CSMD1: variants seen among roughly 807,000 people sequenced by gnomAD.
CSMD1 encodes CUB and Sushi multiple domains 1.
A neutral mutation model predicts 417.5 loss-of-function variants in CSMD1; 213 were observed. The ratio of observed to expected loss-of-function variants is 0.51; its 90% confidence interval spans 0.46 to 0.57. The LOEUF (loss-of-function observed/expected upper bound fraction) is 0.57. Among genes scored for constraint, CSMD1 ranks in the 20% least tolerant of loss-of-function variants. CSMD1 has a pLI of 0.00. For synonymous variants in CSMD1, 2,862 were observed against 1,736.8 expected, an observed-to-expected ratio of 1.65 and a Z score of -16.11; for missense variants, 6,923 against 4,529.7, an observed-to-expected ratio of 1.53 and a Z score of -15.17.
At chr8:3,853,021 C>G (rs1452974299) in intron 5 of CSMD1, among the ~76,000 whole-genome samples, 1 of 152,146 alleles carries the variant, frequency 6.6e-6, no homozygotes, top group Admixed American at 6.5e-5. Flanking sequence ...CCCCAACATC[C>G]AACTACATCT....
At chr8:3,012,400 A>C (rs1033743953) in intron 52 of CSMD1, among the ~76,000 whole-genome samples, 1 of 152,134 alleles carries the variant, frequency 6.6e-6, no homozygotes, top group African/African-American at 2.4e-5. Flanking sequence ...CAGCTGCAAT[A>C]CTCAAAAAGG....
intron 3 of CSMD1, among the ~76,000 whole-genome samples, chr8:4,138,632 A>G (rs544293893): frequency 1.3e-4 from 20 of 152,254 alleles, no homozygotes; most frequent in African/African-American, 3.6e-4. Flanking sequence ...AAAGGAAAAA[A>G]CATCTCTTAA....
intron 6 of CSMD1, among the ~76,000 whole-genome samples, chr8:3,752,476 G>A (rs1391406375): frequency 3.3e-5 from 5 of 151,838 alleles, no homozygotes; most frequent in South Asian, 4.1e-4. Context: ...CCAACATGGC[G>A]AAACCCCATC....
chr8:4,178,874 T>G (rs1222516225), intron 3 of CSMD1, among the ~76,000 whole-genome samples: 2 of 152,150 alleles, frequency 1.3e-5, no homozygotes, highest in African/African-American at 4.8e-5. Flanking sequence ...TTACAAGGGA[T>G]GAGAAGGACC....
chr8:3,871,016 A>G (rs1805449297), intron 5 of CSMD1, among the ~76,000 whole-genome samples: 1 of 152,014 alleles, frequency 6.6e-6, no homozygotes, highest in Non-Finnish European at 1.5e-5. Flanking sequence ...ATTTTTTTAA[A>G]AAAATTCAAT....
intron 5 of CSMD1, among the ~76,000 whole-genome samples, chr8:3,841,071 C>A (rs942653269): frequency 6.6e-6 from 1 of 152,042 alleles, no homozygotes; most frequent in South Asian, 2.1e-4. Flanking sequence ...CTAAACTACA[C>A]TGATTGATGT....
rs150333692 is a variant in CSMD1 at position 3,825,413 on chromosome 8, C to T, written c.819-71371G>A. On this transcript the variant is annotated intron_variant, in intron 5 of 69. Coordinates refer to ENST00000635120, the MANE Select transcript of CSMD1 (RefSeq NM_033225.6). ...GGGTGGTGGTAGGCACCTGTAATCC[C>T]AGGTACTTGGGAGGCTGAGGCAGTA... 2.5e-3 allele frequency among the ~76,000 whole-genome samples: 387 copies of T among 152,160 alleles called. 17 individuals carry two copies. In the East Asian group the frequency reaches 0.06, roughly 24 times the overall value.
At chr8:3,304,665 T>C (rs1242280698) in intron 25 of CSMD1, among the ~76,000 whole-genome samples, 1 of 152,046 alleles carries the variant, frequency 6.6e-6, no homozygotes, top group Non-Finnish European at 1.5e-5. Flanking sequence ...ACGAAGAAAA[T>C]TTTTCAAGGT....
chr8:3,406,706 C>CAATT (rs1418633376), intron 14 of CSMD1, among the ~76,000 whole-genome samples: 1 of 152,092 alleles, frequency 6.6e-6, no homozygotes, highest in African/African-American at 2.4e-5. Context: ...AATTATTGTC[C>CAATT]AATTCTAAGT....
intron 12 of CSMD1, among the ~76,000 whole-genome samples, chr8:3,452,466 G>T (rs939587930): frequency 6.6e-6 from 1 of 151,996 alleles, no homozygotes; most frequent in Non-Finnish European, 1.5e-5. Flanking sequence ...TCATAGATAG[G>T]TTTTATTATT....
chr8:4,865,063 G>C (rs879473458), intron 1 of CSMD1, among the ~76,000 whole-genome samples: 1 of 151,132 alleles, frequency 6.6e-6, no homozygotes, highest in Non-Finnish European at 1.5e-5. Flanking sequence ...TATTTCAATA[G>C]GTTTTGGGGT....
At chr8:4,167,367 A>G (rs1048114406) in intron 3 of CSMD1, among the ~76,000 whole-genome samples, 11 of 152,212 alleles carry the variant, frequency 7.2e-5, no homozygotes, top group Admixed American at 7.2e-4. Flanking sequence ...TGACACTTCA[A>G]TTTAAATAAC....
chr8:4,882,662 C>G (rs1046526266), intron 1 of CSMD1, among the ~76,000 whole-genome samples: 6 of 151,954 alleles, frequency 3.9e-5, no homozygotes, highest in African/African-American at 7.3e-5. Flanking sequence ...ACGTTGTAGA[C>G]TCTTCAAATT....
intron 51 of CSMD1, among the ~76,000 whole-genome samples, chr8:3,023,402 C>A (rs899139583): frequency 1.3e-5 from 2 of 152,112 alleles, no homozygotes; most frequent in South Asian, 4.1e-4. Flanking sequence ...GTAAGTCGAA[C>A]AATAAATAAA....
intron 12 of CSMD1, among the ~76,000 whole-genome samples, chr8:3,444,302 A>G (rs1221399794): frequency 6.6e-6 from 1 of 152,224 alleles, no homozygotes; most frequent in Non-Finnish European, 1.5e-5. Context: ...CAAAGAAGCT[A>G]TCATCGACTC....
chr8:3,353,855 G>A (rs75744528), intron 21 of CSMD1, among the ~76,000 whole-genome samples: 1 of 152,104 alleles, frequency 6.6e-6, no homozygotes, highest in Non-Finnish European at 1.5e-5. Context: ...TTTTGCAATT[G>A]AATGAAACTA....
chr8:4,435,619 G>A lies in CSMD1; in HGVS notation c.303-15554C>T, dbSNP rs956181358. Among the ~76,000 whole-genome samples, 10 of 152,324 alleles carry A rather than the reference G, an allele frequency of 6.6e-5. No individual in the cohort carries two copies. In the East Asian group the frequency reaches 9.7e-4, roughly 15 times the overall value. On this transcript the variant is annotated intron_variant, in intron 2 of 69. Transcript: ENST00000635120. Reference sequence around the variant, plus strand: ...TGCTCTTCACGGCACATGAGTGAATGGTGGAAGCTAGCCTACCACCTCCCT... The same window carrying A: ...TGCTCTTCACGGCACATGAGTGAATAGTGGAAGCTAGCCTACCACCTCCCT...
chr8:4,164,769 G>A (rs1468925878), intron 3 of CSMD1, among the ~76,000 whole-genome samples: 1 of 151,970 alleles, frequency 6.6e-6, no homozygotes, highest in African/African-American at 2.4e-5. Flanking sequence ...CTAGCTACCT[G>A]GGAGGCGGAG....
At chr8:4,124,917 A>T (rs1255498505) in intron 3 of CSMD1, among the ~76,000 whole-genome samples, 3 of 152,074 alleles carry the variant, frequency 2.0e-5, no homozygotes, top group African/African-American at 4.8e-5. Context: ...AGCATAAGAC[A>T]CCCAAGCCAG....
Sources: allele counts gnomAD v4.1 joint callset (sites outside exome capture counted in the v4.1 genomes callset), GRCh38; gene constraint gnomAD v4.1.1; transcripts MANE v1.5; gene names NCBI Gene and HGNC (gene_info 2026-07-23, HGNC 2026-07-21).